Variants in SMAP2 observed in about 807,000 individuals in gnomAD.
The protein encoded by SMAP2 is stromal membrane-associated protein 2.
SMAP2 carries 25 observed loss-of-function variants against 56.4 expected under a neutral mutation model. The observed-to-expected ratio is 0.44, with a 90% CI of 0.32 to 0.62. The LOEUF is 0.62. SMAP2 is among the 20% of genes least tolerant of loss of function. The pLI, the probability that SMAP2 is intolerant of heterozygous loss-of-function variation, is 0.04. For missense variants in SMAP2, 388 were observed against 545.6 expected, an observed-to-expected ratio of 0.71 and a Z score of 2.88; for synonymous variants, 157 against 181.7, an observed-to-expected ratio of 0.86 and a Z score of 1.09.
intron 1 of SMAP2, chr1:40,375,710 G>A (rs1370739419): frequency 1.3e-6 from 1 of 787,630 alleles, no homozygotes; most frequent in Admixed American, 6.2e-5. Context: ...AGTGTATCTT[G>A]GCTTTATTCA....
chr1:40,408,257 A>G lies in SMAP2; in HGVS notation c.238-396A>G, dbSNP rs1235385374. Among the ~76,000 whole-genome samples, 1 of 152,232 alleles carries G rather than the reference A, an allele frequency of 6.6e-6. No individual in the cohort carries two copies. The highest frequency in any genetic ancestry group is 1.5e-5 in the Non-Finnish European group (1 of 68,040). On this transcript the variant is annotated intron_variant, in intron 2 of 9. Coordinates refer to ENST00000372718, the MANE Select transcript of SMAP2 (RefSeq NM_022733.3). This position sits in a 1 kb window ranked among gnomAD's most constrained non-coding sequence, Gnocchi z 4.3. ...GTTAAGGAGTCTACTTAAAAGCCTA[A>G]TGGGAAACACATTTATTGGAATTGA...
chr1:40,398,696 G>A (rs1409285388), intron 1 of SMAP2, among the ~76,000 whole-genome samples: 1 of 152,096 alleles, frequency 6.6e-6, no homozygotes, highest in African/African-American at 2.4e-5. Context: ...TTGAGATAGG[G>A]TGTCAATATG....
At chr1:40,403,049 G>A (rs1644851151) in intron 1 of SMAP2, among the ~76,000 whole-genome samples, 2 of 152,114 alleles carry the variant, frequency 1.3e-5, no homozygotes, top group African/African-American at 4.8e-5. Flanking sequence ...GGTTTAAAAA[G>A]TGCATTTTCA....
intron 1 of SMAP2, among the ~76,000 whole-genome samples, chr1:40,387,920 T>A (rs1386665489): frequency 6.6e-6 from 1 of 151,716 alleles, no homozygotes; most frequent in Non-Finnish European, 1.5e-5. Context: ...CGGGTGGGCA[T>A]GGGCTTGGCG....
At chr1:40,404,033 G>A (rs1644861764) in intron 1 of SMAP2, among the ~76,000 whole-genome samples, 1 of 152,242 alleles carries the variant, frequency 6.6e-6, no homozygotes, top group Non-Finnish European at 1.5e-5. Context: ...AGGAGTTTGA[G>A]GTTACAGTGA....
At chr1:40,377,891 T>TC (rs1644557194) in intron 1 of SMAP2, among the ~76,000 whole-genome samples, 1 of 152,208 alleles carries the variant, frequency 6.6e-6, no homozygotes, top group South Asian at 2.1e-4. Flanking sequence ...TCTGGGGTAC[T>TC]AAAATCCACA....
At chr1:40,421,931 G>A (rs569948894) in intron 9 of SMAP2, 45 bp from the exon 10 acceptor site, 60 of 1,612,616 alleles carry the variant, frequency 3.7e-5, no homozygotes, top group Non-Finnish European at 4.1e-5. Flanking sequence ...ACTAATTGGC[G>A]GAATGCCCAC....
intron 1 of SMAP2, among the ~76,000 whole-genome samples, chr1:40,399,363 T>G (rs1257581239): frequency 7.4e-6 from 1 of 134,640 alleles, no homozygotes; most frequent in Non-Finnish European, 1.5e-5. Context: ...TTTCACCATG[T>G]TGGCCAGGCT....
intron 1 of SMAP2, among the ~76,000 whole-genome samples, chr1:40,390,263 T>A (rs966583414): frequency 1.3e-4 from 20 of 152,212 alleles, no homozygotes; most frequent in African/African-American, 4.8e-4. Context: ...CTTGTTTGGA[T>A]GTGGTTGTGA....
chr1:40,344,882 G>A lies in SMAP2; in HGVS notation c.-111G>A, dbSNP rs1219240615. The A allele has an allele frequency of 5.3e-5, 8 of 152,080 alleles. No homozygotes were observed. In the East Asian group the frequency reaches 7.7e-4, roughly 15 times the overall value. The allele number at this position is 152,080 out of a possible 1,614,324, so 9.4% of individuals were successfully genotyped here. A position where few individuals can be genotyped will look rare whatever the true frequency, so the allele number is the denominator to read the frequency against. On this transcript the variant is annotated 5_prime_UTR_variant, in exon 1 of 7. Coordinates refer to the SMAP2 transcript ENST00000435168. The stretch of plus-strand genomic sequence containing the variant: ...GTTCATTCCTAGCTCAGAAAGCAAC[G>A]TTTTGAGCCACAACTGTCACAACTC...
At chr1:40,361,236 C>G (rs923141614) in intron 1 of SMAP2, among the ~76,000 whole-genome samples, 2 of 152,154 alleles carry the variant, frequency 1.3e-5, no homozygotes, top group Admixed American at 1.3e-4. Context: ...TAGACACACC[C>G]TGGGTCAGAA....
At chr1:40,350,517 G>A (rs1028584437) in intron 1 of SMAP2, among the ~76,000 whole-genome samples, 1 of 152,178 alleles carries the variant, frequency 6.6e-6, no homozygotes, top group African/African-American at 2.4e-5. Context: ...CTCAGTAAGA[G>A]ACAAAACCAG....
chr1:40,422,300 C>A lies in SMAP2; in HGVS notation c.*199C>A. ...CTCTGTTGCTTTATGTTGTACATGC[C>A]CCATAGCCATCCCAACGTCCTCCCC... On this transcript the variant is annotated 3_prime_UTR_variant, in exon 10 of 10. Transcript: ENST00000372718. 1.6e-6 allele frequency: 1 copy of A among 635,682 alleles called. No homozygotes were observed. Among genetic ancestry groups the A allele is most frequent in the Non-Finnish European group, 2.6e-6 (1 of 384,376 alleles). The allele number at this position is 635,682 out of a possible 1,614,324, so 39.4% of individuals were successfully genotyped here.
At chr1:40,412,068 T>A (rs1027514577) in intron 4 of SMAP2, among the ~76,000 whole-genome samples, 9 of 152,242 alleles carry the variant, frequency 5.9e-5, no homozygotes, top group African/African-American at 2.2e-4. Flanking sequence ...GCTAAATCAC[T>A]GAAAGTAATA....
At chr1:40,379,157 A>C (rs905819232) in intron 1 of SMAP2, among the ~76,000 whole-genome samples, 1 of 151,796 alleles carries the variant, frequency 6.6e-6, no homozygotes, top group Non-Finnish European at 1.5e-5. Flanking sequence ...TTTTTAGTAG[A>C]GATGGGGTTT....
At chr1:40,406,949 C>A in intron 2 of SMAP2, 80 bp downstream of exon 2, 1 of 1,467,750 alleles carries the variant, frequency 6.8e-7, no homozygotes, top group Non-Finnish European at 9.2e-7. Flanking sequence ...TCAAACCTGG[C>A]ACAAAGGTGA....
chr1:40,375,846 T>C, intron 1 of SMAP2: 1 of 689,144 alleles, frequency 1.5e-6, no homozygotes, highest in Non-Finnish European at 1.8e-6. Context: ...CCATTTCTCA[T>C]ATTACCCTTA....
chr1:40,351,803 A>G (rs968866633), intron 1 of SMAP2, among the ~76,000 whole-genome samples: 29 of 151,626 alleles, frequency 1.9e-4, no homozygotes, highest in Non-Finnish European at 2.9e-5. Flanking sequence ...CGCTCAGCCT[A>G]TTTTAATTTT....
intron 1 of SMAP2, among the ~76,000 whole-genome samples, chr1:40,391,196 G>A (rs995104293): frequency 6.6e-6 from 1 of 152,198 alleles, no homozygotes; most frequent in Non-Finnish European, 1.5e-5. Context: ...TTGGTCTAGA[G>A]GAACAAAGAT....
Sources: gnomAD v4.1 joint callset for allele counts (sites outside exome capture counted in the v4.1 genomes callset) on GRCh38, gnomAD v4.1.1 for gene constraint, Gnocchi (gnomAD v3.1) non-coding constraint, MANE v1.5 for transcripts, NCBI Gene and HGNC (gene_info 2026-07-23, HGNC 2026-07-21) for gene names.